Variants in PRIM2 observed in about 807,000 individuals in gnomAD.
PRIM2 encodes the protein DNA primase large subunit.
A neutral mutation model predicts 67.3 loss-of-function variants in PRIM2; 39 were observed. The ratio of observed to expected loss-of-function variants is 0.58; its 90% CI spans 0.45 to 0.76. PRIM2 has a LOEUF of 0.76. Among genes scored for constraint, PRIM2 ranks in the 30% least tolerant of loss-of-function variants. PRIM2 has a pLI of 0.00. For synonymous variants in PRIM2, 143 were observed against 198.7 expected (o/e 0.72, Z 2.36); for missense variants, 398 against 598.7 (o/e 0.66, Z 3.50).
chr6:57,309,091 G>A, the PRIM2 span, among the ~76,000 whole-genome samples: 1 of 151,594 alleles, frequency 6.6e-6, no homozygotes, highest in Admixed American at 6.6e-5. Flanking sequence ...GCGGCCTTCG[G>A]CCCTGTTTGT....
At chr6:57,592,735 G>A (rs1170507810) in intron 10 of PRIM2, among the ~76,000 whole-genome samples, 1 of 151,106 alleles carries the variant, frequency 6.6e-6, no homozygotes, top group Non-Finnish European at 1.5e-5. Flanking sequence ...AGGTCTCAGT[G>A]AACCAAGATC....
At chr6:57,597,022 C>T (rs1362035275) in intron 10 of PRIM2, among the ~76,000 whole-genome samples, 1 of 151,250 alleles carries the variant, frequency 6.6e-6, no homozygotes, top group Non-Finnish European at 1.5e-5. Context: ...CTCTTTCATT[C>T]AAGTGAAGGT....
chr6:57,563,008 A>T (rs1420134138), intron 10 of PRIM2, among the ~76,000 whole-genome samples: 2 of 152,152 alleles, frequency 1.3e-5, no homozygotes, highest in African/African-American at 4.8e-5. Flanking sequence ...GTTTGGGCCA[A>T]TTTTTTTCAA....
chr6:57,421,551 A>C (rs1391448442), intron 7 of PRIM2, among the ~76,000 whole-genome samples: 1 of 152,240 alleles, frequency 6.6e-6, no homozygotes, highest in East Asian at 1.9e-4. Context: ...TGTTTGTGAC[A>C]TCTGTGTTTT....
chr6:57,417,506 T>C (rs1771306501), intron 7 of PRIM2, among the ~76,000 whole-genome samples: 1 of 152,206 alleles, frequency 6.6e-6, no homozygotes, highest in Non-Finnish European at 1.5e-5. Context: ...GAGTTACTAA[T>C]TTCAATATTA....
the PRIM2 span, among the ~76,000 whole-genome samples, chr6:57,251,961 TTCAA>T: frequency 1.3e-5 from 2 of 152,186 alleles, no homozygotes; most frequent in Non-Finnish European, 2.9e-5. Flanking sequence ...CATGGCTTGA[TTCAA>T]TCAATCAAGC....
At chr6:57,338,767 G>T (rs9370578) in intron 5 of PRIM2, among the ~76,000 whole-genome samples, 48,604 of 93,736 alleles carry the variant, frequency 0.52, 13,368 homozygotes, top group African/African-American at 0.64. Context: ...GGGCAAAAAC[G>T]GGAAGCATTC....
the PRIM2 span, among the ~76,000 whole-genome samples, chr6:57,307,634 A>T: frequency 6.6e-6 from 1 of 152,176 alleles, no homozygotes; most frequent in South Asian, 2.1e-4. Context: ...ACTCGAAGTC[A>T]ATATGTTACT....
chr6:57,428,493 C>T (rs982319), intron 7 of PRIM2, among the ~76,000 whole-genome samples: 2 of 152,098 alleles, frequency 1.3e-5, no homozygotes, highest in African/African-American at 4.8e-5. Flanking sequence ...CCTAAAACCC[C>T]GTTTCACAAA....
chr6:57,336,546 G>T (rs1038789259), intron 5 of PRIM2, among the ~76,000 whole-genome samples: 1 of 152,158 alleles, frequency 6.6e-6, no homozygotes, highest in Admixed American at 6.5e-5. Flanking sequence ...GAGAGTGGGG[G>T]CCAATATTCA....
At chr6:57,221,847 G>T in the PRIM2 span, 1 of 152,654 alleles carries the variant, frequency 6.6e-6, no homozygotes, top group South Asian at 2.1e-4. Context: ...GGGGATGGGG[G>T]AGCCGGGCCG....
At chr6:57,327,904 A>T (rs1048838475) in intron 5 of PRIM2, among the ~76,000 whole-genome samples, 1 of 151,996 alleles carries the variant, frequency 6.6e-6, no homozygotes, top group African/African-American at 2.4e-5. Flanking sequence ...TGGTTTTGGG[A>T]TGAACAGATC....
intron 5 of PRIM2, among the ~76,000 whole-genome samples, chr6:57,360,304 C>G (rs1204616560): frequency 6.6e-6 from 1 of 152,128 alleles, no homozygotes; most frequent in Non-Finnish European, 1.5e-5. Context: ...ATACAGGCTT[C>G]TTAATTTTTG....
intron 5 of PRIM2, among the ~76,000 whole-genome samples, chr6:57,356,358 A>G (rs946926727): frequency 6.6e-6 from 1 of 152,212 alleles, no homozygotes; most frequent in African/African-American, 2.4e-5. Context: ...GTAAGTACAC[A>G]ACAAATATTA....
chr6:57,432,961 T>C lies in PRIM2; in HGVS notation c.693+50793T>C, dbSNP rs1771883650. On this transcript the variant is annotated intron_variant, in intron 7 of 13. Transcript: ENST00000615550. Reference sequence around the variant, plus strand: ...AAGTAATACAGCTTTTTCTAAATTCTACCATTAGTACTTGCAGGTACCTGC... The same window carrying C: ...AAGTAATACAGCTTTTTCTAAATTCCACCATTAGTACTTGCAGGTACCTGC... 2.0e-5 allele frequency among the ~76,000 whole-genome samples: 3 copies of C among 152,378 alleles called. No homozygotes were observed. The South Asian group carries it at 6.2e-4, about 32-fold the overall frequency.
At chr6:57,244,675 C>T in the PRIM2 span, among the ~76,000 whole-genome samples, 1 of 151,700 alleles carries the variant, frequency 6.6e-6, no homozygotes. Context: ...GCAGGAGAAT[C>T]GCTTGAACCC....
chr6:57,419,890 C>T (rs865931076), intron 7 of PRIM2, among the ~76,000 whole-genome samples: 1 of 152,232 alleles, frequency 6.6e-6, no homozygotes, highest in African/African-American at 2.4e-5. Context: ...ACTTATACTT[C>T]GTTGATTAGA....
intron 7 of PRIM2, among the ~76,000 whole-genome samples, chr6:57,412,051 GA>G (rs1771105515): frequency 6.7e-6 from 1 of 150,280 alleles, no homozygotes; most frequent in South Asian, 2.1e-4. Flanking sequence ...AGAACATAGG[GA>G]AAAAGCTCTG....
At chr6:57,264,425 C>T in the PRIM2 span, among the ~76,000 whole-genome samples, 1 of 151,990 alleles carries the variant, frequency 6.6e-6, no homozygotes, top group Non-Finnish European at 1.5e-5. Context: ...TTCTCCTTTT[C>T]ATTGTTCCTG....
Sources: allele counts gnomAD v4.1 joint callset (sites outside exome capture counted in the v4.1 genomes callset), GRCh38; gene constraint gnomAD v4.1.1; transcripts MANE v1.5; gene names NCBI Gene and HGNC (gene_info 2026-07-23, HGNC 2026-07-21).